SPNS3: variants seen among roughly 807,000 people sequenced by gnomAD.
SPNS3 encodes protein spinster homolog 3.
In SPNS3, 51 loss-of-function variants were observed where a neutral mutation model predicts 54.4. The ratio of observed to expected loss-of-function variants is 0.94; its 90% CI spans 0.75 to 1.18. The LOEUF (loss-of-function observed/expected upper bound fraction) is 1.18, where lower values mean the gene tolerates loss of function less well. Ranked by LOEUF, SPNS3 falls within the 50% of genes most tolerant of loss-of-function variation. The pLI, the probability that SPNS3 is intolerant of heterozygous loss-of-function variation, is 0.00. For synonymous variants in SPNS3, 309 were observed against 294.7 expected (o/e 1.05, Z -0.50); for missense variants, 669 against 677.4 (o/e 0.99, Z 0.14).
At position 4,445,068 on chromosome 17, in the gene SPNS3, T is replaced by C. The variant is rs755692225; in HGVS notation, c.302T>C (p.Phe101Ser). 5.0e-6 allele frequency: 8 copies of C among 1,614,142 alleles called. No homozygotes were observed. Among genetic ancestry groups the C allele is most frequent in the Admixed American group, 1.7e-5 (1 of 60,022 alleles). The change falls in exon 3 of 12, where the codon TTT (phenylalanine) becomes TCT (serine). Residue 101 changes from phenylalanine (F) to serine (S), a missense_variant. Coordinates refer to ENST00000355530, the MANE Select transcript of SPNS3 (RefSeq NM_182538.5). ...VSCLLLSAPVFGYLGDRHSRK... is the reference protein window; with the variant it reads ...VSCLLLSAPVSGYLGDRHSRK... ...TGCCTGCTGCTGTCTGCACCTGTGT[T>C]TGGCTACCTGGGCGACCGACATAGC... is the stretch of plus-strand genomic sequence containing the variant.
chr17:4,464,392 A>G (rs1971622839), intron 8 of SPNS3, among the ~76,000 whole-genome samples: 1 of 152,182 alleles, frequency 6.6e-6, no homozygotes, highest in Non-Finnish European at 1.5e-5. Flanking sequence ...CTCCACTGTC[A>G]CTGACCTGAT....
intron 9 of SPNS3, among the ~76,000 whole-genome samples, chr17:4,480,276 C>A (rs1972116768): frequency 6.6e-6 from 1 of 152,204 alleles, no homozygotes. Context: ...CGCAGACCTG[C>A]TACATGGCCC....
intron 4 of SPNS3, chr17:4,446,647 G>T: frequency 1.7e-6 from 1 of 586,320 alleles, no homozygotes; most frequent in Non-Finnish European, 3.1e-6. Context: ...AGGGTGTAGG[G>T]TATGTGTTTC....
At chr17:4,463,402 A>ACAAAAC (rs796382280) in intron 8 of SPNS3, among the ~76,000 whole-genome samples, 21 of 137,174 alleles carry the variant, frequency 1.5e-4, no homozygotes, top group African/African-American at 6.2e-4. Context: ...GTCTCAAAAA[A>ACAAAAC]AAAAAAAAAC....
chr17:4,446,771 G>A, intron 4 of SPNS3, 125 bp from the exon 5 acceptor site: 1 of 839,648 alleles, frequency 1.2e-6, no homozygotes. Context: ...CAGTGAAACA[G>A]GTCTGAGCCT....
rs1972316562 is a variant in SPNS3, at chr17:4,486,430, G to C, written c.1297G>C (p.Ala433Pro). 6.2e-7 allele frequency: 1 copy of C among 1,608,580 alleles called. No individual in the cohort carries two copies. The highest frequency in any genetic ancestry group is 1.7e-5 in the Admixed American group (1 of 59,568). The change falls in exon 11 of 12, where the codon GCC (alanine) becomes CCC (proline). Residue 433 changes from alanine (A) to proline (P), a missense_variant. Transcript: ENST00000355530. This position sits in a 1 kb window ranked among gnomAD's most constrained non-coding sequence, Gnocchi z 5.5. The part of the protein sequence containing the change: ...LTGLISSVLR[A>P]RRPDSYLQRF... ...TCCGCAGATCTCTAGTGTCCTGCGG[G>C]CCAGGCGCCCTGACTCCTATCTGCA...
At chr17:4,477,342 G>C (rs1237031130) in intron 8 of SPNS3, among the ~76,000 whole-genome samples, 1 of 152,168 alleles carries the variant, frequency 6.6e-6, no homozygotes. Context: ...CAGTCCTTCA[G>C]GTCCTCCATC....
In SPNS3 at chr17:4,439,802, G is replaced by T. The variant is rs1970803470; in HGVS notation, c.265+79G>T. 2.9e-6 allele frequency: 4 copies of T among 1,359,856 alleles called. No individual in the cohort carries two copies. The Admixed American group carries it at 5.9e-5, about 20-fold the overall frequency. The allele number at this position is 1,359,856 out of a possible 1,614,324, so 84.2% of individuals were successfully genotyped here. On this transcript the variant is annotated intron_variant, in intron 2 of 11. Transcript: ENST00000355530. ...GCTCTTTCTGTGGGTCATGTTCTGTGCCCAGCTCCAGCCCCACTGGGTCCC... is the reference window on the plus strand; with the variant it reads ...GCTCTTTCTGTGGGTCATGTTCTGTTCCCAGCTCCAGCCCCACTGGGTCCC...
At chr17:4,463,396 C>CAAAAAAAAAAAAAA (rs368770425) in intron 8 of SPNS3, among the ~76,000 whole-genome samples, 1 of 122,140 alleles carries the variant, frequency 8.2e-6, no homozygotes, top group African/African-American at 3.0e-5. Flanking sequence ...GACTCTGTCT[C>CAAAAAAAAAAAAAA]AAAAAAAAAA....
chr17:4,440,074 G>A (rs1444256198), intron 2 of SPNS3, among the ~76,000 whole-genome samples: 4 of 152,164 alleles, frequency 2.6e-5, no homozygotes, highest in African/African-American at 9.7e-5. Flanking sequence ...CCTGATGTGT[G>A]CTTTCCTCTC....
intron 8 of SPNS3, among the ~76,000 whole-genome samples, chr17:4,476,148 C>G (rs117569224): frequency 3.3e-5 from 5 of 152,154 alleles, no homozygotes; most frequent in African/African-American, 1.2e-4. Context: ...GCCGCTGCCC[C>G]GGGAGACTGT....
chr17:4,475,524 G>A (rs759443883), intron 8 of SPNS3, among the ~76,000 whole-genome samples: 1 of 152,230 alleles, frequency 6.6e-6, no homozygotes, highest in South Asian at 2.1e-4. Context: ...CAACCCCAGC[G>A]TCTGGCCTGG....
chr17:4,443,754 A>T (rs1324112326), intron 2 of SPNS3, among the ~76,000 whole-genome samples: 2 of 152,246 alleles, frequency 1.3e-5, no homozygotes, highest in Non-Finnish European at 2.9e-5. Context: ...CAAATATAAA[A>T]GACTATGGGA....
At chr17:4,437,788 CTTT>C (rs35523910) in intron 1 of SPNS3, among the ~76,000 whole-genome samples, 130 of 144,052 alleles carry the variant, frequency 9.0e-4, no homozygotes, top group Non-Finnish European at 9.0e-4. Flanking sequence ...ACAAAGATTT[CTTT>C]TTTTTTTTTT....
intron 8 of SPNS3, among the ~76,000 whole-genome samples, chr17:4,455,554 G>C (rs939888442): frequency 6.6e-6 from 1 of 152,136 alleles, no homozygotes. Flanking sequence ...TTCCAGCCAG[G>C]CTGTCTTGCC....
intron 7 of SPNS3, among the ~76,000 whole-genome samples, chr17:4,451,641 C>G (rs760231047): frequency 2.6e-5 from 4 of 151,790 alleles, no homozygotes; most frequent in Non-Finnish European, 4.4e-5. Flanking sequence ...ACAGTCTCAG[C>G]GTTCCCTTTG....
intron 8 of SPNS3, among the ~76,000 whole-genome samples, chr17:4,474,551 G>C (rs942919347): frequency 1.3e-5 from 2 of 152,190 alleles, no homozygotes; most frequent in African/African-American, 4.8e-5. Context: ...CAAGATTGAA[G>C]GCACCGCCCC....
At position 4,446,548 on chromosome 17, in the gene SPNS3, G is replaced by A. The variant is rs367667803; in HGVS notation, c.555-348G>A. On this transcript the variant is annotated intron_variant, in intron 4 of 11. Transcript: ENST00000355530. ...GGCCCTGCACCCCACAACAGGCTAG[G>A]CCAGAGCAGGATTTGCAATCAGGAC... is the stretch of plus-strand genomic sequence containing the variant. 5.8e-5 allele frequency: 30 copies of A among 516,478 alleles called. No individual in the cohort carries two copies. In the South Asian group the frequency reaches 6.2e-4, roughly 11 times the overall value. The allele number at this position is 516,478 out of a possible 1,614,324, so 32.0% of individuals were successfully genotyped here.
At position 4,445,139 on chromosome 17, in the gene SPNS3, G is replaced by A. The variant is rs1970949730; in HGVS notation, c.373G>A (p.Gly125Ser). 3 of 1,614,020 alleles carry A rather than the reference G, an allele frequency of 1.9e-6. No individual in the cohort carries two copies. The East Asian group carries it at 6.7e-5, about 36-fold the overall frequency. Residue 125 changes from glycine to serine, a missense_variant, in exon 3 of 12, where the codon GGC becomes AGC. Gly to Ser is a moderately conservative substitution (Grantham distance 56). Coordinates refer to ENST00000355530, the MANE Select transcript of SPNS3 (RefSeq NM_182538.5). ...CGGTATCTTGCTGTGGTCAGGAGCT[G>A]GCCTCTCTAGCTCCTTCATCTCCCC... is the stretch of plus-strand genomic sequence containing the variant. ...SFGILLWSGA[G>S]LSSSFISPRY...
Sources: gnomAD v4.1 joint callset for allele counts (sites outside exome capture counted in the v4.1 genomes callset) on GRCh38, gnomAD v4.1.1 for gene constraint, Gnocchi (gnomAD v3.1) non-coding constraint, MANE v1.5 for transcripts, NCBI Gene and HGNC (gene_info 2026-07-23, HGNC 2026-07-21) for gene names.